TXNRD2: variants seen among roughly 807,000 people sequenced by gnomAD.
The protein encoded by TXNRD2 is thioredoxin reductase 2, mitochondrial.
Under a neutral mutation model 70.8 loss-of-function variants are expected in TXNRD2, and 67 were observed. The ratio of observed to expected loss-of-function variants is 0.95; its 90% CI spans 0.78 to 1.16. The LOEUF (loss-of-function observed/expected upper bound fraction) is 1.16, where lower values mean the gene tolerates loss of function less well. Ranked by LOEUF, TXNRD2 falls within the 50% of genes most tolerant of loss-of-function variation. The probability of loss-of-function intolerance (pLI) is 0.00; values close to 1 mark genes in which losing one functional copy is unlikely to be tolerated. For synonymous variants in TXNRD2, 301 were observed against 295.8 expected (o/e 1.02, Z -0.18); for missense variants, 644 against 719.9 (o/e 0.89, Z 1.21).
chr22:19,921,728 G>T (rs1940924434), intron 2 of TXNRD2, among the ~76,000 whole-genome samples: 1 of 152,164 alleles, frequency 6.6e-6, no homozygotes, highest in African/African-American at 2.4e-5. Flanking sequence ...AGAAGACAGT[G>T]AGGAGGGGGC....
At chr22:19,892,135 C>T (rs955865670) in intron 11 of TXNRD2, among the ~76,000 whole-genome samples, 6 of 152,388 alleles carry the variant, frequency 3.9e-5, no homozygotes, top group South Asian at 2.1e-4. Flanking sequence ...GAAGCAGAGT[C>T]GGAGATGTTG....
At chr22:19,909,718 GCACACACACCACT>G (rs1368077928) in intron 8 of TXNRD2, among the ~76,000 whole-genome samples, 6 of 36,040 alleles carry the variant, frequency 1.7e-4, no homozygotes, top group African/African-American at 5.7e-4. Flanking sequence ...CACACACCAC[GCACACACACCACT>G]CACACACACA....
rs374032231 is a variant in TXNRD2, at chr22:19,883,330, C to G, written c.1081G>C (p.Val361Leu). The G allele has an allele frequency of 1.2e-6, 2 of 1,613,582 alleles. No homozygotes were observed. Among genetic ancestry groups the G allele is most frequent in the African/African-American group, 2.7e-5 (2 of 74,944 alleles). ...TCCCGGGACGCATGCCGTACCTCCA[C>G]CACGTCACCAATGGCGTAGATGTGG... Reference protein sequence around the residue: ...VPHIYAIGDVVEGRPELTPIA... With the variant: ...VPHIYAIGDVLEGRPELTPIA... Residue 361 changes from valine to leucine, a missense_variant, in exon 12 of 18, where the codon GTG (valine) becomes CTG (leucine). By Grantham distance (32) the Val-to-Leu change is conservative (BLOSUM62 1). This residue lies in a region of TXNRD2 where 566 missense variants were observed against 645.0 expected (regional missense o/e 0.88). Transcript: ENST00000400521.
chr22:19,876,070 T>C (rs16984299), intron 17 of TXNRD2: 39,274 of 152,322 alleles, frequency 0.26, 7,439 homozygotes, highest in African/African-American at 0.53. Context: ...TTCCTCAGGA[T>C]GCCCTTTGTT....
At chr22:19,927,048 C>A (rs757202534) in intron 2 of TXNRD2, among the ~76,000 whole-genome samples, 2 of 152,108 alleles carry the variant, frequency 1.3e-5, no homozygotes, top group Non-Finnish European at 2.9e-5. Flanking sequence ...AATCCCAACA[C>A]TTTGGAAGGC....
chr22:19,941,766 C>T lies in TXNRD2; in HGVS notation c.38G>A (p.Gly13Glu), dbSNP rs1774059358. The change falls in exon 1 of 18, where the codon GGG becomes GAG. Residue 13 changes from glycine to glutamate, a missense_variant. Physicochemically the swap from Gly to Glu is moderately conservative, Grantham distance 98 (BLOSUM62 -2). Around this residue, in one of 3 missense-constraint regions of TXNRD2, gnomAD observed 71 missense variants for 53.6 expected, o/e 1.33. Coordinates refer to ENST00000400521, the MANE Select transcript of TXNRD2 (RefSeq NM_006440.5). Reference protein sequence around the residue: ...AMAVALRGLGGRFRWRTQAVA... With the variant: ...AMAVALRGLGERFRWRTQAVA... ...GGCCTGCGTCCGCCACCGGAAGCGC[C>T]CTCCTAATCCCCGCAGCGCCACCGC... 7 of 1,517,406 alleles carry T rather than the reference C, an allele frequency of 4.6e-6. No homozygotes were observed. Among genetic ancestry groups the T allele is most frequent in the Non-Finnish European group, 6.1e-6 (7 of 1,142,252 alleles). The allele number at this position is 1,517,406 out of a possible 1,614,324, so 94.0% of individuals were successfully genotyped here.
chr22:19,888,531 G>A (rs1939126965), intron 11 of TXNRD2, among the ~76,000 whole-genome samples: 1 of 152,252 alleles, frequency 6.6e-6, no homozygotes, highest in Non-Finnish European at 1.5e-5. Flanking sequence ...GAGCAAGGAG[G>A]CAGCGCCCCA....
At chr22:19,879,825 C>G (rs1321690432) in intron 14 of TXNRD2, among the ~76,000 whole-genome samples, 1 of 152,038 alleles carries the variant, frequency 6.6e-6, no homozygotes, top group Non-Finnish European at 1.5e-5. Context: ...GGTGGTGACC[C>G]TGCTGGTGCT....
At chr22:19,930,249 A>G (rs916008892) in intron 2 of TXNRD2, among the ~76,000 whole-genome samples, 1 of 152,184 alleles carries the variant, frequency 6.6e-6, no homozygotes, top group Non-Finnish European at 1.5e-5. Context: ...TCAGAGAAGC[A>G]CAGCTTCAGG....
intron 8 of TXNRD2, among the ~76,000 whole-genome samples, chr22:19,904,066 G>A (rs1006189914): frequency 1.3e-5 from 2 of 152,220 alleles, no homozygotes; most frequent in African/African-American, 4.8e-5. Context: ...GGCGGAGCAG[G>A]AGCCGACCTG....
rs1938879629 is a variant in TXNRD2, at chr22:19,883,451, T to C, written c.960A>G (p.Pro320=). The C allele has an allele frequency of 3.7e-6, 6 of 1,614,054 alleles. No homozygotes were observed. Among genetic ancestry groups the C allele is most frequent in the African/African-American group, 1.3e-5 (1 of 75,066 alleles). The stretch of plus-strand genomic sequence containing the variant: ...TCTCCAAATTCAGACTTCTGGTGTC[T>C]GGGACTCGACCTGAAGGAAACAGAG... The part of the protein sequence containing the change: ...DTVLWAIGRV[P]DTRSLNLEKA... Residue 320 remains proline, a synonymous_variant, in exon 12 of 18, where the codon CCA becomes CCG. Coordinates refer to ENST00000400521, the MANE Select transcript of TXNRD2 (RefSeq NM_006440.5).
intron 16 of TXNRD2, 27 bp downstream of exon 16, chr22:19,878,063 T>C (rs1223667062): frequency 1.3e-6 from 2 of 1,591,344 alleles, no homozygotes; most frequent in Non-Finnish European, 1.7e-6. Flanking sequence ...GCACATCGCA[T>C]CGCAGCCTGC....
At chr22:19,936,875 AAAAC>A (rs1200634231) in intron 1 of TXNRD2, among the ~76,000 whole-genome samples, 1 of 152,176 alleles carries the variant, frequency 6.6e-6, no homozygotes, top group Non-Finnish European at 1.5e-5. Context: ...TTATTACGCC[AAAAC>A]AAACAAGTAG....
rs150025231 is a variant in TXNRD2, at chr22:19,922,800, C to A, written c.173-3201G>T. On this transcript the variant is annotated intron_variant, in intron 2 of 17. Coordinates refer to ENST00000400521, the MANE Select transcript of TXNRD2 (RefSeq NM_006440.5). ...CTCCTGGGTTCAAGCGATTCTCCTG[C>A]CTAAGCCTCCTGAATAGCTGGGATT... 6.1e-3 allele frequency among the ~76,000 whole-genome samples: 936 copies of A among 152,238 alleles called. 8 individuals carry two copies. The highest frequency in any genetic ancestry group is 0.02 in the African/African-American group (838 of 41,530).
chr22:19,917,116 A>G (rs1940672199), intron 5 of TXNRD2, among the ~76,000 whole-genome samples: 1 of 152,214 alleles, frequency 6.6e-6, no homozygotes, highest in Admixed American at 6.5e-5. Context: ...TCATGGCAGC[A>G]CTTTTCAGAA....
chr22:19,903,820 G>A (rs567277418), intron 8 of TXNRD2, among the ~76,000 whole-genome samples: 39 of 152,320 alleles, frequency 2.6e-4, no homozygotes, highest in Non-Finnish European at 4.0e-4. Flanking sequence ...GGTTTGGTTT[G>A]CAAGGCTGCA....
intron 8 of TXNRD2, among the ~76,000 whole-genome samples, chr22:19,900,849 G>A (rs1405264660): frequency 2.0e-5 from 3 of 152,232 alleles, no homozygotes; most frequent in Non-Finnish European, 4.4e-5. Context: ...GTAACTGGGC[G>A]AGAGCCCATT....
chr22:19,916,217 GGT>G (rs1340177433), intron 5 of TXNRD2: 1 of 303,884 alleles, frequency 3.3e-6, no homozygotes, highest in Non-Finnish European at 6.4e-6. Context: ...CCCACCAGAT[GGT>G]GTCACCTTCT....
At chr22:19,893,642 T>C (rs1280314871) in intron 11 of TXNRD2, among the ~76,000 whole-genome samples, 1 of 152,154 alleles carries the variant, frequency 6.6e-6, no homozygotes, top group Middle Eastern at 3.4e-3. Context: ...CCACACCTGC[T>C]CGGCCACTGC....
Sources: allele counts gnomAD v4.1 joint callset (sites outside exome capture counted in the v4.1 genomes callset), GRCh38; gene constraint gnomAD v4.1.1; regional missense constraint gnomAD v4.1.1; transcripts MANE v1.5; gene names NCBI Gene and HGNC (gene_info 2026-07-23, HGNC 2026-07-21).